The following USP15 variants were observed in gnomAD, a reference collection of about 807,000 sequenced individuals.
USP15 encodes ubiquitin carboxyl-terminal hydrolase 15.
A neutral mutation model predicts 127.1 loss-of-function variants in USP15; 18 were observed. The observed-to-expected ratio is 0.14, with a 90% CI of 0.10 to 0.21. USP15 has a LOEUF of 0.21. Among genes scored for constraint, USP15 ranks in the 10% least tolerant of loss-of-function variants. The probability of loss-of-function intolerance (pLI) is 1.00; values close to 1 mark genes in which losing one functional copy is unlikely to be tolerated. For missense variants in USP15, 805 were observed against 1,159.9 expected (o/e 0.69, Z 4.44); for synonymous variants, 364 against 393.7 (o/e 0.92, Z 0.89).
intron 2 of USP15, among the ~76,000 whole-genome samples, chr12:62,302,396 A>G (rs2064344050): frequency 6.6e-6 from 1 of 152,196 alleles, no homozygotes; most frequent in Non-Finnish European, 1.5e-5. Flanking sequence ...GTTTTTAAAT[A>G]TTGCTTTTTG....
chr12:62,280,937 C>T (rs2063629251), intron 1 of USP15, among the ~76,000 whole-genome samples: 2 of 152,078 alleles, frequency 1.3e-5, no homozygotes, highest in Admixed American at 1.3e-4. Flanking sequence ...TGGTTGATAT[C>T]CTAATGACTT....
intron 8 of USP15, among the ~76,000 whole-genome samples, chr12:62,355,982 C>T (rs1198509244): frequency 6.6e-6 from 1 of 151,316 alleles, no homozygotes; most frequent in Middle Eastern, 3.2e-3. Context: ...GCCCCCACCC[C>T]CTTTTTCTTT....
chr12:62,281,429 TG>T (rs2063646203), intron 1 of USP15, among the ~76,000 whole-genome samples: 1 of 152,138 alleles, frequency 6.6e-6, no homozygotes, highest in Admixed American at 6.6e-5. Flanking sequence ...CTCCACCTCC[TG>T]GGTTCAAGCA....
intron 3 of USP15, 107 bp from the exon 4 acceptor site, chr12:62,314,683 T>A: frequency 5.5e-6 from 6 of 1,097,426 alleles, no homozygotes; most frequent in Non-Finnish European, 7.2e-6. Flanking sequence ...AGTGACTGGT[T>A]TTTCACTGGA....
chr12:62,289,086 G>A (rs1012734448), intron 1 of USP15, among the ~76,000 whole-genome samples: 18 of 152,080 alleles, frequency 1.2e-4, no homozygotes, highest in Non-Finnish European at 2.2e-4. Context: ...TTTGGTATCC[G>A]GGTGACACTG....
At chr12:62,351,059 G>GTGTC (rs2065952627) in intron 7 of USP15, among the ~76,000 whole-genome samples, 1 of 152,156 alleles carries the variant, frequency 6.6e-6, no homozygotes, top group South Asian at 2.1e-4. Flanking sequence ...TTTTTATAAT[G>GTGTC]ATTCTGAGTG....
chr12:62,292,044 A>G (rs1281782986), intron 1 of USP15, among the ~76,000 whole-genome samples: 2 of 148,786 alleles, frequency 1.3e-5, no homozygotes, highest in Non-Finnish European at 3.0e-5. Flanking sequence ...AGATATTCTG[A>G]TGACTGGCAG....
intron 1 of USP15, among the ~76,000 whole-genome samples, chr12:62,266,486 G>A (rs2137033382): frequency 6.6e-6 from 1 of 152,158 alleles, no homozygotes; most frequent in Admixed American, 6.5e-5. Flanking sequence ...TTAAGATAGT[G>A]GAAGATACAA....
At chr12:62,280,539 G>A (rs2063618292) in intron 1 of USP15, among the ~76,000 whole-genome samples, 1 of 152,164 alleles carries the variant, frequency 6.6e-6, no homozygotes, top group Admixed American at 6.5e-5. Flanking sequence ...AGCTATAGTG[G>A]AAGGGATGAG....
intron 7 of USP15, among the ~76,000 whole-genome samples, chr12:62,354,039 A>T (rs1183035445): frequency 5.9e-5 from 9 of 151,810 alleles, no homozygotes; most frequent in African/African-American, 2.2e-4. Flanking sequence ...AGTGTTTTTT[A>T]AAAAATGCAA....
rs188184153 is a variant in USP15, at chr12:62,268,081, T to C, written c.89+7578T>C. On this transcript the variant is annotated intron_variant, in intron 1 of 21. Coordinates refer to ENST00000280377, the MANE Select transcript of USP15 (RefSeq NM_001252078.2). ...TGTGGCTATGGTTTACAATAACTTA[T>C]TACTCATTTACTATGTTAAGAGCAT... Among the ~76,000 whole-genome samples, 3 of 152,248 alleles carry C rather than the reference T, an allele frequency of 2.0e-5. No individual in the cohort carries two copies. The East Asian group carries it at 5.8e-4, about 29-fold the overall frequency.
At chr12:62,364,130 A>T (rs2066403685) in intron 8 of USP15, among the ~76,000 whole-genome samples, 1 of 152,158 alleles carries the variant, frequency 6.6e-6, no homozygotes, top group Admixed American at 6.5e-5. Context: ...AAATGAGGGT[A>T]TCTATGAAAA....
At chr12:62,296,621 A>G (rs1433494141) in intron 2 of USP15, among the ~76,000 whole-genome samples, 1 of 152,204 alleles carries the variant, frequency 6.6e-6, no homozygotes, top group Non-Finnish European at 1.5e-5. Context: ...CCAGCCCCCA[A>G]CACCCAACAG....
intron 8 of USP15, among the ~76,000 whole-genome samples, chr12:62,357,891 G>C (rs2066186194): frequency 6.6e-6 from 1 of 152,158 alleles, no homozygotes; most frequent in East Asian, 1.9e-4. Flanking sequence ...AATTCATGTA[G>C]TTCATAGATC....
chr12:62,320,086 GA>G (rs1006015138), intron 4 of USP15, among the ~76,000 whole-genome samples: 1 of 151,764 alleles, frequency 6.6e-6, no homozygotes, highest in African/African-American at 2.4e-5. Context: ...AGAACAAAAA[GA>G]AAAAAATACA....
intron 11 of USP15, 115 bp downstream of exon 11, chr12:62,384,417 C>A (rs1592709559): frequency 3.8e-6 from 3 of 790,910 alleles, no homozygotes; most frequent in Admixed American, 3.2e-5. Flanking sequence ...AATTATCAAG[C>A]CCAATCAATA....
rs536329871 is a variant in USP15 at position 62,352,228 on chromosome 12, G to A, written c.770+2921G>A. 8.0e-4 allele frequency among the ~76,000 whole-genome samples: 121 copies of A among 151,558 alleles called. 1 individual carries two copies. Among genetic ancestry groups the A allele is most frequent in the African/African-American group, 2.8e-3 (117 of 41,430 alleles). On this transcript the variant is annotated intron_variant, in intron 7 of 21. Coordinates refer to ENST00000280377, the MANE Select transcript of USP15 (RefSeq NM_001252078.2). ...GAATATTGTTATAAAATAATTCCAA[G>A]TAATAAAGTATACTTGGAATTATTT...
In USP15 at chr12:62,410,023, A is replaced by G. The variant is rs1343466237; in HGVS notation, c.*5648A>G. The G allele has an allele frequency of 6.6e-6, 1 of 152,174 alleles. No individual in the cohort carries two copies. The highest frequency in any genetic ancestry group is 2.4e-5 in the African/African-American group (1 of 41,462). 9.4% of individuals were successfully genotyped at this position (152,174 alleles called of 1,614,324 possible). A position where few individuals can be genotyped will look rare whatever the true frequency, so the allele number is the denominator to read the frequency against. ...AGTTTTAAGTAATTTAGACTAATGT[A>G]TTAAAGTGTTCACTTATGTCTAGTC... On this transcript the variant is annotated 3_prime_UTR_variant, in exon 22 of 22. Transcript: ENST00000280377.
chr12:62,362,152 G>C (rs770052580), intron 8 of USP15, among the ~76,000 whole-genome samples: 1 of 152,026 alleles, frequency 6.6e-6, no homozygotes, highest in African/African-American at 2.4e-5. Flanking sequence ...AAGTTATTAT[G>C]AGTTGTTATT....
Sources: allele counts gnomAD v4.1 joint callset (sites outside exome capture counted in the v4.1 genomes callset), GRCh38; gene constraint gnomAD v4.1.1; transcripts MANE v1.5; gene names NCBI Gene and HGNC (gene_info 2026-07-23, HGNC 2026-07-21).